Variants in CNTN5 observed in about 807,000 individuals in gnomAD.
CNTN5 encodes the protein contactin 5.
A neutral mutation model predicts 129.1 loss-of-function variants in CNTN5; 77 were observed. The ratio of observed to expected loss-of-function variants is 0.60; its 90% CI spans 0.50 to 0.72. CNTN5 has a LOEUF of 0.72. Among genes scored for constraint, CNTN5 ranks in the 30% least tolerant of loss-of-function variants. The pLI, the probability that CNTN5 is intolerant of heterozygous loss-of-function variation, is 0.00. For missense variants in CNTN5, 1,478 were observed against 1,328.8 expected (o/e 1.11, Z -1.75); for synonymous variants, 509 against 465.6 (o/e 1.09, Z -1.20).
At chr11:100,073,086 G>A (rs911293086) in intron 12 of CNTN5, among the ~76,000 whole-genome samples, 28 of 144,204 alleles carry the variant, frequency 1.9e-4, no homozygotes, top group African/African-American at 6.3e-4. Flanking sequence ...TCTCACTGTC[G>A]CTCAGGCTGG....
At chr11:100,139,382 T>G (rs1946620920) in intron 13 of CNTN5, among the ~76,000 whole-genome samples, 2 of 151,938 alleles carry the variant, frequency 1.3e-5, no homozygotes, top group South Asian at 4.1e-4. Flanking sequence ...AAAACAGAAG[T>G]CAAGAGCAGA....
chr11:99,711,147 A>C (rs1233006573), intron 3 of CNTN5, among the ~76,000 whole-genome samples: 1 of 151,910 alleles, frequency 6.6e-6, no homozygotes, highest in African/African-American at 2.4e-5. Flanking sequence ...CTTACAAAAA[A>C]ATCCCTGATT....
intron 1 of CNTN5, among the ~76,000 whole-genome samples, chr11:99,264,263 T>G (rs1460753607): frequency 1.3e-5 from 2 of 151,736 alleles, no homozygotes; most frequent in African/African-American, 4.8e-5. Flanking sequence ...TGTACCTTTC[T>G]TAGAATTTAT....
chr11:99,022,261 C>T (rs1011876877), intron 1 of CNTN5, among the ~76,000 whole-genome samples: 12 of 152,138 alleles, frequency 7.9e-5, no homozygotes, highest in African/African-American at 2.9e-4. Flanking sequence ...AGAATACTAG[C>T]ATTTAAAATT....
At chr11:99,707,756 T>C (rs945214199) in intron 3 of CNTN5, among the ~76,000 whole-genome samples, 1 of 151,686 alleles carries the variant, frequency 6.6e-6, no homozygotes, top group Non-Finnish European at 1.5e-5. Flanking sequence ...AAACATTTAT[T>C]CTCCTTGTTA....
intron 2 of CNTN5, among the ~76,000 whole-genome samples, chr11:99,415,678 G>A (rs1278561573): frequency 6.6e-6 from 1 of 152,118 alleles, no homozygotes; most frequent in African/African-American, 2.4e-5. Flanking sequence ...GAGTGTCAAA[G>A]ATAAACTTTG....
chr11:99,761,249 G>GT (rs535554940), intron 3 of CNTN5, among the ~76,000 whole-genome samples: 10 of 151,006 alleles, frequency 6.6e-5, no homozygotes, highest in African/African-American at 1.9e-4. Context: ...TTCTGTATTA[G>GT]TTTTTTTTTA....
chr11:100,271,981 C>A (rs186439235), intron 18 of CNTN5, among the ~76,000 whole-genome samples: 1 of 152,054 alleles, frequency 6.6e-6, no homozygotes, highest in African/African-American at 2.4e-5. Flanking sequence ...TTATGTCCCT[C>A]TAATGTTGTA....
chr11:99,520,581 A>G (rs944884816), intron 2 of CNTN5, among the ~76,000 whole-genome samples: 2 of 152,110 alleles, frequency 1.3e-5, no homozygotes, highest in African/African-American at 2.4e-5. Flanking sequence ...CTGAGACACA[A>G]TGTTTGTGCA....
intron 19 of CNTN5, 87 bp from the exon 20 acceptor site, chr11:100,299,075 C>A: frequency 1.2e-6 from 1 of 812,594 alleles, no homozygotes. Context: ...CTCTAGCTAT[C>A]TATAATTTTT....
intron 2 of CNTN5, among the ~76,000 whole-genome samples, chr11:99,479,919 T>G (rs1459731562): frequency 2.0e-5 from 3 of 151,896 alleles, no homozygotes; most frequent in Non-Finnish European, 4.4e-5. Flanking sequence ...TTATCAGAAC[T>G]GGATAAAGAC....
chr11:100,013,373 G>T (rs1412549785), intron 9 of CNTN5, among the ~76,000 whole-genome samples: 1 of 152,082 alleles, frequency 6.6e-6, no homozygotes, highest in African/African-American at 2.4e-5. Context: ...TCCATCAGAA[G>T]TTTCTAACTT....
At chr11:99,415,511 G>C (rs1942616593) in intron 2 of CNTN5, among the ~76,000 whole-genome samples, 1 of 152,118 alleles carries the variant, frequency 6.6e-6, no homozygotes, top group Admixed American at 6.6e-5. Flanking sequence ...ATGGCCAGCT[G>C]TTATGCAGAA....
intron 8 of CNTN5, among the ~76,000 whole-genome samples, chr11:99,958,842 A>C (rs1332803064): frequency 6.6e-6 from 1 of 152,176 alleles, no homozygotes; most frequent in Non-Finnish European, 1.5e-5. Context: ...CATCTGTATA[A>C]TAATACTTTA....
intron 2 of CNTN5, among the ~76,000 whole-genome samples, chr11:99,513,170 C>G (rs1218968734): frequency 1.3e-5 from 2 of 152,110 alleles, no homozygotes; most frequent in Non-Finnish European, 2.9e-5. Flanking sequence ...CACAACATTC[C>G]CTTTTAGCCA....
chr11:100,111,666 A>G (rs544169082), intron 13 of CNTN5, among the ~76,000 whole-genome samples: 80 of 152,274 alleles, frequency 5.3e-4, no homozygotes, highest in Admixed American at 3.0e-3. Context: ...TATGCAATCT[A>G]TCCTCTTAAG....
At chr11:99,942,294 C>T (rs905201241) in intron 7 of CNTN5, among the ~76,000 whole-genome samples, 1 of 151,864 alleles carries the variant, frequency 6.6e-6, no homozygotes, top group Admixed American at 6.6e-5. Context: ...CATAGGACCA[C>T]TACAAGAGGA....
At chr11:99,792,571 G>GCGTC (rs1945786941) in intron 3 of CNTN5, among the ~76,000 whole-genome samples, 2 of 134,594 alleles carry the variant, frequency 1.5e-5, no homozygotes, top group African/African-American at 5.6e-5. Context: ...GTGTGTGTGT[G>GCGTC]TGTGTCTGTC....
chr11:99,121,714 C>T (rs1340043819), intron 1 of CNTN5, among the ~76,000 whole-genome samples: 1 of 152,092 alleles, frequency 6.6e-6, no homozygotes. Context: ...AGGTGGTATC[C>T]TGTTATGACC....
Sources: gnomAD v4.1 joint callset for allele counts (sites outside exome capture counted in the v4.1 genomes callset) on GRCh38, gnomAD v4.1.1 for gene constraint, MANE v1.5 for transcripts, NCBI Gene and HGNC (gene_info 2026-07-23, HGNC 2026-07-21) for gene names.